Variants in PRKCE observed in about 807,000 individuals in gnomAD.
PRKCE encodes protein kinase C epsilon, also known as protein kinase C epsilon type.
PRKCE carries 16 observed loss-of-function variants against 85.4 expected under a neutral mutation model. The observed-to-expected ratio is 0.19, with a 90% CI of 0.13 to 0.28. The LOEUF (loss-of-function observed/expected upper bound fraction) is 0.28. Among genes scored for constraint, PRKCE ranks in the 10% least tolerant of loss-of-function variants. The pLI is 1.00. For missense variants in PRKCE, 573 were observed against 975.2 expected, an observed-to-expected ratio of 0.59 and a Z score of 5.49; for synonymous variants, 388 against 371.5, an observed-to-expected ratio of 1.04 and a Z score of -0.51.
intron 1 of PRKCE, among the ~76,000 whole-genome samples, chr2:45,764,558 C>G (rs890585181): frequency 3.9e-5 from 6 of 152,102 alleles, no homozygotes; most frequent in Non-Finnish European, 2.9e-5. Flanking sequence ...GGCATGGCCC[C>G]GAAACCAGAC....
intron 1 of PRKCE, among the ~76,000 whole-genome samples, chr2:45,756,512 G>T (rs1474771494): frequency 6.6e-6 from 1 of 152,140 alleles, no homozygotes; most frequent in Non-Finnish European, 1.5e-5. Flanking sequence ...ATAAATGAAA[G>T]CATTTGTCCA....
At chr2:45,688,466 A>C (rs1243375473) in intron 1 of PRKCE, among the ~76,000 whole-genome samples, 1 of 152,170 alleles carries the variant, frequency 6.6e-6, no homozygotes, top group Non-Finnish European at 1.5e-5. Context: ...CTTAACCCCA[A>C]AACAAACTCT....
rs12990701 is a variant in PRKCE at position 46,145,333 on chromosome 2, C to T, written c.1731+102C>T. On this transcript the variant is annotated intron_variant, in intron 12 of 14. Transcript: ENST00000306156. This position sits in a 1 kb window ranked among gnomAD's most constrained non-coding sequence, Gnocchi z 4.6. ...CATCTAGTGGTGCTGGGGGAAGGCT[C>T]TGGAAATCCAGGATGGATTCTAGGA... 2.8e-6 allele frequency: 4 copies of T among 1,448,354 alleles called. No individual in the cohort carries two copies. In the African/African-American group the frequency reaches 5.6e-5, roughly 20 times the overall value. The allele number at this position is 1,448,354 out of a possible 1,614,324, so 89.7% of individuals were successfully genotyped here.
At chr2:45,910,821 G>T (rs529995583) in intron 2 of PRKCE, among the ~76,000 whole-genome samples, 2 of 152,162 alleles carry the variant, frequency 1.3e-5, no homozygotes, top group Non-Finnish European at 2.9e-5. Context: ...GGCAGGGGGC[G>T]GTGAGCAGTC....
intron 2 of PRKCE, among the ~76,000 whole-genome samples, chr2:45,953,700 C>A (rs1019233561): frequency 6.6e-6 from 1 of 152,152 alleles, no homozygotes; most frequent in Non-Finnish European, 1.5e-5. Context: ...CATTAGAATC[C>A]CCTTGTGAGC....
chr2:45,846,609 G>A (rs1194353513), intron 2 of PRKCE, among the ~76,000 whole-genome samples: 1 of 152,190 alleles, frequency 6.6e-6, no homozygotes, highest in East Asian at 1.9e-4. Context: ...AAGCAGAAGA[G>A]CAGGGAACAG....
At chr2:45,654,093 C>T (rs1558528662) in intron 1 of PRKCE, among the ~76,000 whole-genome samples, 1 of 152,172 alleles carries the variant, frequency 6.6e-6, no homozygotes, top group Non-Finnish European at 1.5e-5. Flanking sequence ...GTGGAAAAAA[C>T]TTGACGCTGG....
intron 11 of PRKCE, among the ~76,000 whole-genome samples, chr2:46,087,777 C>T (rs1669783369): frequency 6.6e-6 from 1 of 152,204 alleles, no homozygotes; most frequent in Non-Finnish European, 1.5e-5. Context: ...AGGAATCAGC[C>T]AGGCTGCATT....
intron 2 of PRKCE, among the ~76,000 whole-genome samples, chr2:45,864,844 G>A (rs1573658103): frequency 6.6e-6 from 1 of 152,218 alleles, no homozygotes; most frequent in Admixed American, 6.5e-5. Flanking sequence ...ATATGGAGCT[G>A]TGTTTCAGGC....
chr2:46,140,168 C>T lies in PRKCE; in HGVS notation c.1593-4925C>T, dbSNP rs190642826. On this transcript the variant is annotated intron_variant, in intron 11 of 14. Transcript: ENST00000306156. ...ACTTTAAACATATTCACAATAAAGACATCACCAGGATTGTTTTTTAACTAG... is the reference window on the plus strand; with the variant it reads ...ACTTTAAACATATTCACAATAAAGATATCACCAGGATTGTTTTTTAACTAG... Among the ~76,000 whole-genome samples, 146 of 152,240 alleles carry T rather than the reference C, an allele frequency of 9.6e-4. 1 individual carries two copies. Among genetic ancestry groups the T allele is most frequent in the African/African-American group, 3.4e-3 (142 of 41,552 alleles).
Position 45,984,553 on chromosome 2 carries a change from G to A in PRKCE, c.696G>A (p.Val232=). ...CCTGTATCTTGCCATCCCTGCAGGT[G>A]GGCTCCCAGCGGTTCAGCGTCAACA... ...GLKKQETPDQ[V]GSQRFSVNMP... is the part of the protein sequence containing the mutation. Residue 232 remains valine, a splice_region_variant and synonymous_variant, in exon 6 of 15, where the codon GTG becomes GTA. Coordinates refer to ENST00000306156, the MANE Select transcript of PRKCE (RefSeq NM_005400.3). The A allele has an allele frequency of 1.3e-6, 2 of 1,599,552 alleles. No homozygotes were observed. Among genetic ancestry groups the A allele is most frequent in the Middle Eastern group, 1.7e-4 (1 of 6,060 alleles).
chr2:46,010,772 G>A, intron 10 of PRKCE: 1 of 1,596,822 alleles, frequency 6.3e-7, no homozygotes, highest in Admixed American at 1.7e-5. Flanking sequence ...AAAGCCAAAT[G>A]GCTAAACTCA....
chr2:45,657,715 G>A (rs764112635), intron 1 of PRKCE, among the ~76,000 whole-genome samples: 5 of 152,206 alleles, frequency 3.3e-5, no homozygotes, highest in African/African-American at 7.2e-5. Flanking sequence ...GTAGCCCATC[G>A]GCAAAGCTTT....
At chr2:45,736,823 G>A (rs982014910) in intron 1 of PRKCE, among the ~76,000 whole-genome samples, 3 of 152,206 alleles carry the variant, frequency 2.0e-5, no homozygotes, top group Non-Finnish European at 4.4e-5. Flanking sequence ...GATGGTAAGC[G>A]ACTGTGGATT....
intron 2 of PRKCE, among the ~76,000 whole-genome samples, chr2:45,968,961 A>C (rs1379599714): frequency 6.6e-6 from 1 of 151,912 alleles, no homozygotes; most frequent in Non-Finnish European, 1.5e-5. Context: ...AAACAGAAGA[A>C]GAACTGCACG....
intron 14 of PRKCE, among the ~76,000 whole-genome samples, chr2:46,180,641 A>T (rs966534260): frequency 2.6e-5 from 4 of 152,216 alleles, no homozygotes; most frequent in African/African-American, 9.7e-5. Flanking sequence ...ATGGCACACG[A>T]ATGCTAAGAT....
chr2:46,023,681 A>G (rs1411927903), intron 10 of PRKCE, among the ~76,000 whole-genome samples: 3 of 152,152 alleles, frequency 2.0e-5, no homozygotes, highest in Non-Finnish European at 4.4e-5. Flanking sequence ...GGAGGAGGTC[A>G]CAAATTGGGG....
intron 6 of PRKCE, among the ~76,000 whole-genome samples, chr2:45,990,930 G>A (rs1051916154): frequency 2.0e-5 from 3 of 151,928 alleles, no homozygotes; most frequent in African/African-American, 7.3e-5. Context: ...CCAAAGTGCT[G>A]GGATTACAGG....
intron 2 of PRKCE, among the ~76,000 whole-genome samples, chr2:45,963,893 G>T (rs974448158): frequency 2.0e-5 from 3 of 152,240 alleles, no homozygotes; most frequent in African/African-American, 7.2e-5. Flanking sequence ...GCTCACTGCG[G>T]TAGTCTGGGA....
Sources: gnomAD v4.1 joint callset for allele counts (sites outside exome capture counted in the v4.1 genomes callset) on GRCh38, gnomAD v4.1.1 for gene constraint, Gnocchi (gnomAD v3.1) non-coding constraint, MANE v1.5 for transcripts, NCBI Gene and HGNC (gene_info 2026-07-23, HGNC 2026-07-21) for gene names.